Variants in RGS6 observed in about 807,000 individuals in gnomAD.
The protein encoded by RGS6 is regulator of G protein signaling 6.
A neutral mutation model predicts 78.5 loss-of-function variants in RGS6; 30 were observed. The observed-to-expected ratio is 0.38, with a 90% confidence interval of 0.29 to 0.52. The LOEUF (loss-of-function observed/expected upper bound fraction) is 0.52, where lower values mean the gene tolerates loss of function less well. Among genes scored for constraint, RGS6 ranks in the 20% least tolerant of loss-of-function variants. RGS6 has a pLI of 0.85. For missense variants in RGS6, 495 were observed against 609.7 expected (o/e 0.81, Z 1.98); for synonymous variants, 206 against 206.0 (o/e 1.00, Z 0.00).
intron 15 of RGS6, among the ~76,000 whole-genome samples, chr14:72,530,122 T>C (rs1387154734): frequency 6.6e-6 from 1 of 152,178 alleles, no homozygotes; most frequent in Non-Finnish European, 1.5e-5. Context: ...AGAGGGGAAT[T>C]TGGTGCTGAG....
chr14:72,534,316 C>A lies in RGS6; in HGVS notation c.1279-1870C>A, dbSNP rs940411365. On this transcript the variant is annotated intron_variant, in intron 15 of 17. Coordinates refer to ENST00000553525, the MANE Select transcript of RGS6 (RefSeq NM_001204424.2). ...ATGTTATTGCACACATCATTGACTA[C>A]ATATAGTGTAAACATAACTTTTATG... Among the ~76,000 whole-genome samples, 39 of 152,298 alleles carry A rather than the reference C, an allele frequency of 2.6e-4. 1 individual carries two copies. Among genetic ancestry groups the A allele is most frequent in the Admixed American group, 3.9e-4 (6 of 15,306 alleles).
intron 2 of RGS6, among the ~76,000 whole-genome samples, chr14:71,993,977 G>A (rs568565677): frequency 6.6e-6 from 1 of 151,200 alleles, no homozygotes; most frequent in Non-Finnish European, 1.5e-5. Flanking sequence ...CATTTTTATT[G>A]GCCACCAAAG....
intron 3 of RGS6, among the ~76,000 whole-genome samples, chr14:72,412,563 C>T (rs536487493): frequency 2.1e-3 from 325 of 152,082 alleles, no homozygotes; most frequent in African/African-American, 7.3e-3. Flanking sequence ...GTGTCTCTAT[C>T]TCCTTCAGTT....
At chr14:71,983,909 A>G (rs902547555) in intron 2 of RGS6, among the ~76,000 whole-genome samples, 7 of 152,248 alleles carry the variant, frequency 4.6e-5, no homozygotes, top group African/African-American at 1.4e-4. Context: ...CTCTGCAAAG[A>G]TCAAATGAAC....
the RGS6 span, among the ~76,000 whole-genome samples, chr14:72,581,218 G>A: frequency 6.6e-6 from 1 of 152,138 alleles, no homozygotes; most frequent in South Asian, 2.1e-4. Context: ...AGAGGCTATA[G>A]GAAGAGGAAA....
intron 3 of RGS6, among the ~76,000 whole-genome samples, chr14:72,430,005 T>C (rs983236187): frequency 1.3e-5 from 2 of 152,214 alleles, no homozygotes; most frequent in African/African-American, 4.8e-5. Context: ...GATTGTAAGT[T>C]TCCTGAGGCC....
rs78942360 is a variant in RGS6 at position 72,465,681 on chromosome 14, G to T, written c.395-77G>T. The T allele has an allele frequency of 0.035, 35,782 of 1,026,318 alleles. 1,868 individuals are homozygous for T. Among genetic ancestry groups the T allele is most frequent in the Admixed American group, 0.15 (8,583 of 56,224 alleles). 63.6% of individuals were successfully genotyped at this position (1,026,318 alleles called of 1,614,324 possible). On this transcript the variant is annotated intron_variant, in intron 6 of 17. Coordinates refer to ENST00000553525, the MANE Select transcript of RGS6 (RefSeq NM_001204424.2). The stretch of plus-strand genomic sequence containing the variant: ...GGATGGGTGAATGGGTGAATGGATG[G>T]ACAGATGGATGGATGGGCTTATAAT...
At chr14:72,526,168 A>G (rs2097114593) in intron 15 of RGS6, among the ~76,000 whole-genome samples, 1 of 151,692 alleles carries the variant, frequency 6.6e-6, no homozygotes, top group South Asian at 2.1e-4. Context: ...TGGTGGCACA[A>G]TCTCGGCTCA....
rs189342554 is a variant in RGS6 at position 72,249,984 on chromosome 14, G to A, written c.85-102111G>A. 3.7e-4 allele frequency among the ~76,000 whole-genome samples: 56 copies of A among 149,948 alleles called. 1 individual carries two copies. The East Asian group carries it at 7.3e-3, about 20-fold the overall frequency. ...AAAACATCATTCTCAGTAAGCTGTC[G>A]CAAGAACAAAAAACCAAACACCGCA... On this transcript the variant is annotated intron_variant, in intron 2 of 17. Transcript: ENST00000553525.
chr14:72,275,598 C>T (rs1298582430), intron 2 of RGS6, among the ~76,000 whole-genome samples: 1 of 152,214 alleles, frequency 6.6e-6, no homozygotes, highest in Non-Finnish European at 1.5e-5. Context: ...TATTCTATTT[C>T]TGTAGGCAGG....
the RGS6 span, among the ~76,000 whole-genome samples, chr14:71,886,617 T>C: frequency 3.9e-5 from 6 of 152,238 alleles, no homozygotes; most frequent in Non-Finnish European, 7.3e-5. Context: ...TAGAGCCTAG[T>C]AGAAAATGAA....
chr14:72,300,103 G>A, intron 2 of RGS6, among the ~76,000 whole-genome samples: 1 of 151,796 alleles, frequency 6.6e-6, no homozygotes, highest in East Asian at 1.9e-4. Context: ...GCTTTTTCTA[G>A]CATATGATCT....
chr14:72,294,594 T>C (rs1275266176), intron 2 of RGS6, among the ~76,000 whole-genome samples: 1 of 152,210 alleles, frequency 6.6e-6, no homozygotes, highest in Non-Finnish European at 1.5e-5. Flanking sequence ...TGCTGGAGGC[T>C]GTGCAGGAAG....
chr14:72,293,919 G>C (rs2064153257), intron 2 of RGS6, among the ~76,000 whole-genome samples: 1 of 152,206 alleles, frequency 6.6e-6, no homozygotes, highest in African/African-American at 2.4e-5. Flanking sequence ...GTGGAAACGG[G>C]ACAGGCTGAA....
chr14:72,267,530 G>A (rs1312652721), intron 2 of RGS6, among the ~76,000 whole-genome samples: 1 of 152,154 alleles, frequency 6.6e-6, no homozygotes, highest in African/African-American at 2.4e-5. Context: ...TCTTGCCAAA[G>A]ACCAAATGCA....
chr14:72,113,081 TGC>T (rs2095806426), intron 2 of RGS6, among the ~76,000 whole-genome samples: 1 of 151,270 alleles, frequency 6.6e-6, no homozygotes, highest in Non-Finnish European at 1.5e-5. Context: ...CACACACGCA[TGC>T]ACGCATGCAT....
chr14:72,474,939 A>G (rs2096196269), intron 10 of RGS6, among the ~76,000 whole-genome samples: 1 of 151,786 alleles, frequency 6.6e-6, no homozygotes, highest in Non-Finnish European at 1.5e-5. Context: ...CCAACAGGCA[A>G]CAGGGCCATG....
At position 72,211,491 on chromosome 14, in the gene RGS6, A is replaced by G. The variant is rs531453009; in HGVS notation, c.85-140604A>G. On this transcript the variant is annotated intron_variant, in intron 2 of 17. Coordinates refer to ENST00000553525, the MANE Select transcript of RGS6 (RefSeq NM_001204424.2). ...GATTAGCTGTAAAGACAGTAGTAAT[A>G]GAACAGTGGCTGTAGGAGGATAGGG... Among the ~76,000 whole-genome samples, 4 of 152,354 alleles carry G rather than the reference A, an allele frequency of 2.6e-5. No individual in the cohort carries two copies. In the South Asian group the frequency reaches 6.2e-4, roughly 24 times the overall value.
chr14:72,400,784 C>T (rs752541885), intron 3 of RGS6, among the ~76,000 whole-genome samples: 1 of 152,236 alleles, frequency 6.6e-6, no homozygotes, highest in African/African-American at 2.4e-5. Flanking sequence ...GACAGCCCAT[C>T]CTCCACCTAC....
Sources: gnomAD v4.1 joint callset for allele counts (sites outside exome capture counted in the v4.1 genomes callset) on GRCh38, gnomAD v4.1.1 for gene constraint, MANE v1.5 for transcripts, NCBI Gene and HGNC (gene_info 2026-07-23, HGNC 2026-07-21) for gene names.